Variants in COPRS observed in about 807,000 individuals in gnomAD.
The protein encoded by COPRS is cooperator of PRMT5.
Under a neutral mutation model 19.9 loss-of-function variants are expected in COPRS, and 11 were observed. That is an observed-to-expected ratio of 0.55 (90% CI 0.35 to 0.92). The LOEUF is 0.92. COPRS is among the 40% of genes least tolerant of loss of function. The probability of loss-of-function intolerance (pLI) is 0.01; values close to 1 mark genes in which losing one functional copy is unlikely to be tolerated. For synonymous variants in COPRS, 81 were observed against 82.7 expected (o/e 0.98, Z 0.11); for missense variants, 225 against 229.9 (o/e 0.98, Z 0.14).
chr17:31,856,904 C>T, intron 1 of COPRS, 39 bp from the exon 2 acceptor site: 1 of 1,265,658 alleles, frequency 7.9e-7, no homozygotes. Context: ...ACTTGGGTAT[C>T]TGGGGTATGC....
intron 2 of COPRS, among the ~76,000 whole-genome samples, chr17:31,856,411 T>C (rs996664674): frequency 6.6e-6 from 1 of 152,176 alleles, no homozygotes; most frequent in South Asian, 2.1e-4. Flanking sequence ...ATATTACTAT[T>C]GTTATTAATC....
Position 31,852,197 on chromosome 17 carries a change from A to G in COPRS, c.497T>C (p.Ile166Thr), listed in dbSNP as rs1288060023. The G allele has an allele frequency of 6.2e-7, 1 of 1,614,038 alleles. No individual in the cohort carries two copies. Among genetic ancestry groups the G allele is most frequent in the Non-Finnish European group, 8.5e-7 (1 of 1,180,030 alleles). Reference sequence around the variant, plus strand: ...AAAGACCATCTTGGAATAATAGGGTATCAGTGGAGGCGGATGGTGCCAGCT... The same window carrying G: ...AAAGACCATCTTGGAATAATAGGGTGTCAGTGGAGGCGGATGGTGCCAGCT... ...DPSWHHPPPL[I>T]PYYSKMVFET... Residue 166 changes from isoleucine to threonine, a missense_variant, in exon 4 of 4, where the codon ATA becomes ACA. Physicochemically the swap from Ile to Thr is moderately conservative, Grantham distance 89. Around this residue, in one of 3 missense-constraint regions of COPRS, gnomAD observed 170 missense variants for 171.4 expected, o/e 0.99. Coordinates refer to ENST00000302362, the MANE Select transcript of COPRS (RefSeq NM_018405.4).
In COPRS at chr17:31,859,132, G is replaced by A. The variant is rs951262150; in HGVS notation, c.68C>T (p.Pro23Leu). ...AAEPSRGPPL[P>L]SARGAPPSPE... The stretch of plus-strand genomic sequence containing the variant: ...GCTGGGGGGCGCCCCCCGCGCGCTA[G>A]GCAGCGGCGGGCCCCGAGACGGCTC... The change falls in exon 1 of 4, where the codon CCT (proline) becomes CTT (leucine). Residue 23 changes from proline (P) to leucine (L), a missense_variant. By Grantham distance (98) the Pro-to-Leu change is moderately conservative. Around this residue, in one of 3 missense-constraint regions of COPRS, gnomAD observed 51 missense variants for 39.2 expected, o/e 1.30. Transcript: ENST00000302362. The A allele has an allele frequency of 9.2e-6, 10 of 1,082,046 alleles. No individual in the cohort carries two copies. The highest frequency in any genetic ancestry group is 1.1e-4 in the Admixed American group (2 of 18,876). The allele number at this position is 1,082,046 out of a possible 1,614,324, so 67.0% of individuals were successfully genotyped here.
chr17:31,858,669 A>G (rs1259222557), intron 1 of COPRS: 1 of 1,343,640 alleles, frequency 7.4e-7, no homozygotes, highest in Admixed American at 2.0e-5. Flanking sequence ...CGCATGTGAC[A>G]TCTGGGGCTC....
chr17:31,855,611 G>A (rs551638561), intron 2 of COPRS, among the ~76,000 whole-genome samples: 41 of 152,024 alleles, frequency 2.7e-4, no homozygotes, highest in African/African-American at 8.4e-4. Flanking sequence ...ACTTGAACCC[G>A]GGAGACAGAG....
At position 31,852,103 on chromosome 17, in the gene COPRS, G is replaced by A; in HGVS notation, c.*36C>T. On this transcript the variant is annotated 3_prime_UTR_variant, in exon 4 of 4. Coordinates refer to ENST00000302362, the MANE Select transcript of COPRS (RefSeq NM_018405.4). ...AGACAGGAAAAGAGATCTTGACGTG[G>A]AGGCCCGCCCACCTACAAGGCAGAA... is the stretch of plus-strand genomic sequence containing the variant. The A allele has an allele frequency of 3.7e-6, 6 of 1,612,176 alleles. No homozygotes were observed. Among genetic ancestry groups the A allele is most frequent in the Non-Finnish European group, 5.1e-6 (6 of 1,179,520 alleles).
chr17:31,854,216 A>C (rs1455216283), intron 2 of COPRS, among the ~76,000 whole-genome samples: 2 of 152,024 alleles, frequency 1.3e-5, no homozygotes, highest in Non-Finnish European at 2.9e-5. Flanking sequence ...AAAAATTCAA[A>C]AAATTTAGCT....
Position 31,852,120 on chromosome 17 carries a change from A to C in COPRS, c.*19T>G, listed in dbSNP as rs1909182846. The C allele has an allele frequency of 6.2e-7, 1 of 1,613,572 alleles. No homozygotes were observed. The highest frequency in any genetic ancestry group is 1.7e-5 in the Admixed American group (1 of 59,996). ...TTGACGTGGAGGCCCGCCCACCTAC[A>C]AGGCAGAAAGCTCCACACTCAATCT... On this transcript the variant is annotated 3_prime_UTR_variant, in exon 4 of 4. Coordinates refer to ENST00000302362, the MANE Select transcript of COPRS (RefSeq NM_018405.4).
intron 2 of COPRS, 149 bp downstream of exon 2, chr17:31,856,650 C>G: frequency 1.4e-6 from 1 of 706,026 alleles, no homozygotes; most frequent in Non-Finnish European, 2.5e-6. Flanking sequence ...CCAAGCAAGG[C>G]TTCCAAAGGA....
At chr17:31,852,740 T>C (rs1909202106) in intron 3 of COPRS, 72 bp downstream of exon 3, 1 of 1,072,634 alleles carries the variant, frequency 9.3e-7, no homozygotes, top group East Asian at 2.4e-5. Flanking sequence ...TGTTCCAAAC[T>C]GCCTTCAGGG....
At chr17:31,854,332 T>C (rs1909258087) in intron 2 of COPRS, among the ~76,000 whole-genome samples, 1 of 122,670 alleles carries the variant, frequency 8.2e-6, no homozygotes, top group African/African-American at 3.3e-5. Context: ...ATCGTGCCAT[T>C]GCACAGAGTG....
Position 31,852,280 on chromosome 17 carries a change from A to G in COPRS, c.414T>C (p.Ser138=), listed in dbSNP as rs1265299082. The part of the protein sequence containing the change: ...YDADDIQESI[S]QELKPWVCCA... ...AGCACACCCAAGGTTTAAGCTCTTG[A>G]GAAATGCTCTCCTGGATGTCGTCAG... The change falls in exon 4 of 4, where the codon TCT becomes TCC. Residue 138 remains serine, a synonymous_variant. Coordinates refer to ENST00000302362, the MANE Select transcript of COPRS (RefSeq NM_018405.4). The G allele has an allele frequency of 6.2e-7, 1 of 1,612,594 alleles. No homozygotes were observed. Among genetic ancestry groups the G allele is most frequent in the Non-Finnish European group, 8.5e-7 (1 of 1,179,254 alleles).
intron 2 of COPRS, among the ~76,000 whole-genome samples, chr17:31,854,430 T>C (rs756721853): frequency 1.7e-4 from 24 of 139,016 alleles, no homozygotes; most frequent in Non-Finnish European, 2.8e-4. Context: ...AACATAAATA[T>C]AGAATTACCA....
Position 31,859,233 on chromosome 17 carries a change from C to A in COPRS, c.-34G>T. On this transcript the variant is annotated 5_prime_UTR_variant, in exon 1 of 4. Transcript: ENST00000302362. ...GCCCGCGGCTGGTCGCCCTGGACGC[C>A]GTGGGCCACGTGACGCGCCGGCCCG... The A allele has an allele frequency of 1.1e-6, 1 of 929,710 alleles. No homozygotes were observed. The highest frequency in any genetic ancestry group is 1.3e-6 in the Non-Finnish European group (1 of 768,304). 57.6% of individuals were successfully genotyped at this position (929,710 alleles called of 1,614,324 possible).
At chr17:31,854,888 A>G (rs1293094409) in intron 2 of COPRS, among the ~76,000 whole-genome samples, 1 of 152,214 alleles carries the variant, frequency 6.6e-6, no homozygotes, top group East Asian at 1.9e-4. Flanking sequence ...AAGATTCTGG[A>G]ACTAGGTAGT....
At chr17:31,853,838 G>A (rs1909240500) in intron 2 of COPRS, among the ~76,000 whole-genome samples, 1 of 152,112 alleles carries the variant, frequency 6.6e-6, no homozygotes, top group African/African-American at 2.4e-5. Context: ...GAGGCCGGAA[G>A]GTACATTTTC....
chr17:31,858,831 C>T (rs1174827686), intron 1 of COPRS: 3 of 1,549,572 alleles, frequency 1.9e-6, no homozygotes, highest in East Asian at 2.4e-5. Flanking sequence ...TTACCAAATC[C>T]GCAGCGGCGC....
intron 2 of COPRS, among the ~76,000 whole-genome samples, chr17:31,855,456 G>A (rs1023025167): frequency 6.6e-6 from 1 of 151,846 alleles, no homozygotes; most frequent in Non-Finnish European, 1.5e-5. Context: ...GCAGTGAGCC[G>A]AGATAGTGCC....
At chr17:31,858,992 C>T in intron 1 of COPRS, 109 bp downstream of exon 1, 3 of 1,315,556 alleles carry the variant, frequency 2.3e-6, no homozygotes, top group Non-Finnish European at 1.9e-6. Context: ...CGGCCCGAGG[C>T]CGGCCAGAGG....
Sources: allele counts gnomAD v4.1 joint callset (sites outside exome capture counted in the v4.1 genomes callset), GRCh38; gene constraint gnomAD v4.1.1; regional missense constraint gnomAD v4.1.1; transcripts MANE v1.5; gene names NCBI Gene and HGNC (gene_info 2026-07-23, HGNC 2026-07-21).